DPP10: variants seen among roughly 807,000 people sequenced by gnomAD.
The protein encoded by DPP10 is dipeptidyl peptidase like 10.
Under a neutral mutation model 120.9 loss-of-function variants are expected in DPP10, and 33 were observed. The observed-to-expected ratio is 0.27, with a 90% CI of 0.21 to 0.37. The LOEUF (loss-of-function observed/expected upper bound fraction) is 0.37, where lower values mean the gene tolerates loss of function less well. Among genes scored for constraint, DPP10 ranks in the 10% least tolerant of loss-of-function variants. The pLI is 1.00. For missense variants in DPP10, 816 were observed against 942.8 expected, an observed-to-expected ratio of 0.87 and a Z score of 1.76; for synonymous variants, 337 against 326.1, an observed-to-expected ratio of 1.03 and a Z score of -0.36.
intron 1 of DPP10, chr2:115,234,325 C>G (rs1029150300): frequency 5.3e-6 from 1 of 188,088 alleles, no homozygotes; most frequent in African/African-American, 2.4e-5. Flanking sequence ...CAGTGTTTAA[C>G]TTGCTTGTTT....
At chr2:115,368,306 G>A (rs2065199015) in intron 3 of DPP10, among the ~76,000 whole-genome samples, 1 of 152,056 alleles carries the variant, frequency 6.6e-6, no homozygotes, top group Non-Finnish European at 1.5e-5. Flanking sequence ...AGCCCCTGGG[G>A]GCCATTGTGA....
chr2:114,670,910 AATT>A (rs1305836744), intron 1 of DPP10, among the ~76,000 whole-genome samples: 1 of 152,156 alleles, frequency 6.6e-6, no homozygotes, highest in Non-Finnish European at 1.5e-5. Flanking sequence ...TGATTATAAT[AATT>A]ATCACACATA....
rs141712849 is a variant in DPP10, at chr2:114,921,083, T to A, written c.61-388156T>A. On this transcript the variant is annotated intron_variant, in intron 1 of 25. Transcript: ENST00000410059. ...ATGATAAACTAACAAATAAATAAAG[T>A]TCTTCACCCACGCTAAATCTTACAG... Among the ~76,000 whole-genome samples, 1,168 of 152,270 alleles carry A rather than the reference T, an allele frequency of 7.7e-3. 7 individuals are homozygous for A. Among genetic ancestry groups the A allele is most frequent in the African/African-American group, 0.027 (1,109 of 41,538 alleles).
intron 5 of DPP10, among the ~76,000 whole-genome samples, chr2:115,685,911 C>A (rs1046004800): frequency 6.6e-6 from 1 of 151,964 alleles, no homozygotes; most frequent in African/African-American, 2.4e-5. Flanking sequence ...AGATTATTAT[C>A]CATAAATTAC....
intron 2 of DPP10, among the ~76,000 whole-genome samples, chr2:115,325,692 TATAA>T (rs1382005602): frequency 2.0e-5 from 3 of 152,090 alleles, no homozygotes; most frequent in Admixed American, 2.0e-4. Flanking sequence ...TACATATAAA[TATAA>T]ATAACAAAAT....
At position 115,403,578 on chromosome 2, in the gene DPP10, T is replaced by G. The variant is rs190616404; in HGVS notation, c.271+59666T>G. On this transcript the variant is annotated intron_variant, in intron 3 of 25. Coordinates refer to ENST00000410059, the MANE Select transcript of DPP10 (RefSeq NM_020868.6). ...TAACACCCAGCTAATTTTTGTATTT[T>G]CAGTAGAGATAGGGTTTCACTGTGT... Among the ~76,000 whole-genome samples the G allele has an allele frequency of 3.3e-5, 5 of 152,138 alleles. No homozygotes were observed. In the East Asian group the frequency reaches 7.8e-4, roughly 24 times the overall value.
At position 114,581,473 on chromosome 2, in the gene DPP10, A is replaced by G. The variant is rs566799069; in HGVS notation, c.60+138635A>G. On this transcript the variant is annotated intron_variant, in intron 1 of 25. Coordinates refer to ENST00000410059, the MANE Select transcript of DPP10 (RefSeq NM_020868.6). ...GCTGAGATTACAGGCATGAGCCACC[A>G]CGCCCAGCCAAAATATAAAACATTA... Among the ~76,000 whole-genome samples the G allele has an allele frequency of 4.5e-4, 68 of 152,054 alleles. 1 individual carries two copies. The highest frequency in any genetic ancestry group is 1.6e-3 in the African/African-American group (65 of 41,502).
chr2:114,492,742 A>G (rs2104447556), intron 1 of DPP10, among the ~76,000 whole-genome samples: 1 of 152,364 alleles, frequency 6.6e-6, no homozygotes, highest in Non-Finnish European at 1.5e-5. Context: ...CAGCAGCAGC[A>G]GCAGCAACAT....
chr2:114,656,027 C>A (rs142280131), intron 1 of DPP10, among the ~76,000 whole-genome samples: 1 of 152,074 alleles, frequency 6.6e-6, no homozygotes. Context: ...GGTGAATTGA[C>A]TACAGGGGGC....
At chr2:114,545,886 A>G (rs1014640827) in intron 1 of DPP10, among the ~76,000 whole-genome samples, 1 of 152,102 alleles carries the variant, frequency 6.6e-6, no homozygotes, top group Admixed American at 6.6e-5. Flanking sequence ...ACTCTCAATG[A>G]GTGTCTTTTA....
intron 1 of DPP10, among the ~76,000 whole-genome samples, chr2:114,601,400 G>T (rs1440014457): frequency 2.0e-5 from 3 of 151,774 alleles, no homozygotes; most frequent in Admixed American, 2.0e-4. Context: ...CTTTCTGTAA[G>T]GAATGAGAAT....
intron 3 of DPP10, among the ~76,000 whole-genome samples, chr2:115,485,583 AGT>A (rs2075727338): frequency 1.5e-5 from 2 of 137,370 alleles, no homozygotes; most frequent in Non-Finnish European, 3.2e-5. Flanking sequence ...TATTTAATTA[AGT>A]CTTACTTTAT....
Position 114,675,661 on chromosome 2 carries a change from T to C in DPP10, c.60+232823T>C, listed in dbSNP as rs1698622019. Among the ~76,000 whole-genome samples the C allele has an allele frequency of 2.0e-5, 3 of 152,302 alleles. No individual in the cohort carries two copies. The South Asian group carries it at 6.2e-4, about 32-fold the overall frequency. On this transcript the variant is annotated intron_variant, in intron 1 of 25. Coordinates refer to ENST00000410059, the MANE Select transcript of DPP10 (RefSeq NM_020868.6). ...TTCATATTAGAATTGCCTTGGAAGC[T>C]TTTAAAAAATGTCCATGCCCAAGCC...
chr2:115,037,809 C>A (rs778772360), intron 1 of DPP10, among the ~76,000 whole-genome samples: 3 of 152,168 alleles, frequency 2.0e-5, no homozygotes, highest in Non-Finnish European at 2.9e-5. Flanking sequence ...AAATTAGAGT[C>A]TTTTAACTTG....
chr2:115,084,182 G>C (rs1458307414), intron 1 of DPP10, among the ~76,000 whole-genome samples: 1 of 152,112 alleles, frequency 6.6e-6, no homozygotes, highest in Non-Finnish European at 1.5e-5. Context: ...CTTGGACTCT[G>C]TGAAGTCAAG....
chr2:115,105,226 C>T (rs746758584), intron 1 of DPP10, among the ~76,000 whole-genome samples: 8 of 152,046 alleles, frequency 5.3e-5, no homozygotes, highest in Non-Finnish European at 8.8e-5. Context: ...TTTTACACAT[C>T]CACATGTATA....
At chr2:114,558,824 C>T (rs970617950) in intron 1 of DPP10, among the ~76,000 whole-genome samples, 1 of 152,204 alleles carries the variant, frequency 6.6e-6, no homozygotes, top group African/African-American at 2.4e-5. Flanking sequence ...TTTTCCACCT[C>T]TTCCCTCTCC....
At chr2:115,682,123 T>C (rs1314086654) in intron 5 of DPP10, among the ~76,000 whole-genome samples, 1 of 151,976 alleles carries the variant, frequency 6.6e-6, no homozygotes, top group East Asian at 1.9e-4. Flanking sequence ...GAGAGAAAAC[T>C]AGTTTATAGC....
intron 7 of DPP10, 104 bp downstream of exon 7, chr2:115,690,025 C>T (rs2091225162): frequency 9.0e-7 from 1 of 1,113,520 alleles, no homozygotes; most frequent in Admixed American, 2.7e-5. Flanking sequence ...TCCTACAAAA[C>T]TTTATGTTTC....
Sources: gnomAD v4.1 joint callset for allele counts (sites outside exome capture counted in the v4.1 genomes callset) on GRCh38, gnomAD v4.1.1 for gene constraint, MANE v1.5 for transcripts, NCBI Gene and HGNC (gene_info 2026-07-23, HGNC 2026-07-21) for gene names.